SH3GL3: variants seen among roughly 807,000 people sequenced by gnomAD.
SH3GL3 encodes endophilin-A3.
Under a neutral mutation model 47.7 loss-of-function variants are expected in SH3GL3, and 33 were observed. That is an observed-to-expected ratio of 0.69 (90% CI 0.52 to 0.92). The LOEUF is 0.92. SH3GL3 is among the 40% of genes least tolerant of loss of function. The pLI is 0.00. For missense variants in SH3GL3, 363 were observed against 417.8 expected, an observed-to-expected ratio of 0.87 and a Z score of 1.14; for synonymous variants, 155 against 148.8, an observed-to-expected ratio of 1.04 and a Z score of -0.30.
chr15:83,460,339 C>T (rs1374462263), intron 1 of SH3GL3, among the ~76,000 whole-genome samples: 2 of 151,810 alleles, frequency 1.3e-5, no homozygotes, highest in African/African-American at 4.8e-5. Flanking sequence ...TTTCTAAAAG[C>T]CATGCATTCC....
chr15:83,496,906 A>G (rs2042103849), intron 1 of SH3GL3, among the ~76,000 whole-genome samples: 1 of 152,048 alleles, frequency 6.6e-6, no homozygotes, highest in African/African-American at 2.4e-5. Context: ...ATTTTCCCCA[A>G]GCTGGATATC....
At chr15:83,588,948 G>T (rs2060021390) in intron 8 of SH3GL3, among the ~76,000 whole-genome samples, 177 bp downstream of exon 8, 1 of 152,128 alleles carries the variant, frequency 6.6e-6, no homozygotes, top group Non-Finnish European at 1.5e-5. Flanking sequence ...CCCTGGGGAA[G>T]AATTCTATCA....
chr15:83,594,458 CACATTT>C (rs2060189620), intron 8 of SH3GL3, among the ~76,000 whole-genome samples: 1 of 152,118 alleles, frequency 6.6e-6, no homozygotes, highest in African/African-American at 2.4e-5. Context: ...ATTAGTATGG[CACATTT>C]ACTTTATATA....
At chr15:83,533,923 G>T (rs746585147) in intron 1 of SH3GL3, among the ~76,000 whole-genome samples, 13 of 152,106 alleles carry the variant, frequency 8.5e-5, no homozygotes, top group Non-Finnish European at 1.8e-4. Flanking sequence ...TTTTATTTCT[G>T]GTGGTACTAA....
At chr15:83,568,910 T>TC (rs2045685014) in intron 4 of SH3GL3, among the ~76,000 whole-genome samples, 2 of 151,490 alleles carry the variant, frequency 1.3e-5, no homozygotes, top group Non-Finnish European at 3.0e-5. Flanking sequence ...ATCTTTTTTT[T>TC]TTTTTTTTTT....
At chr15:83,459,813 C>A (rs1210803122) in intron 1 of SH3GL3, among the ~76,000 whole-genome samples, 1 of 152,122 alleles carries the variant, frequency 6.6e-6, no homozygotes, top group East Asian at 1.9e-4. Context: ...TCACGACATA[C>A]AATTTGCAGG....
intron 8 of SH3GL3, among the ~76,000 whole-genome samples, chr15:83,589,830 T>C (rs1268777525): frequency 2.0e-5 from 3 of 152,228 alleles, no homozygotes; most frequent in Non-Finnish European, 4.4e-5. Flanking sequence ...ATTATACCAT[T>C]TCCCTATTGG....
In SH3GL3 at chr15:83,612,063, G is replaced by GA. The variant is rs199791214; in HGVS notation, c.839-6013dup. The stretch of plus-strand genomic sequence containing the variant: ...CTTTTTTCCATTTCTTCTAATGGTG[G>GA]AAAAAAGCATAATCTTGCCATTTCA... On this transcript the variant is annotated intron_variant, in intron 8 of 8. Coordinates refer to ENST00000427482, the MANE Select transcript of SH3GL3 (RefSeq NM_003027.5). Among the ~76,000 whole-genome samples the GA allele has an allele frequency of 3.7e-3, 493 of 132,360 alleles. 23 individuals carry two copies. Among genetic ancestry groups the GA allele is most frequent in the African/African-American group, 0.012 (465 of 38,674 alleles). 86.8% of individuals were successfully genotyped at this position (132,360 alleles called of 152,430 possible).
chr15:83,486,944 C>T (rs560103344), intron 1 of SH3GL3, among the ~76,000 whole-genome samples: 4 of 151,930 alleles, frequency 2.6e-5, no homozygotes, highest in Admixed American at 1.3e-4. Flanking sequence ...ATAAGCACAC[C>T]GGCCCCATCA....
intron 8 of SH3GL3, among the ~76,000 whole-genome samples, chr15:83,591,836 A>C (rs577354861): frequency 6.6e-6 from 1 of 152,174 alleles, no homozygotes; most frequent in Non-Finnish European, 1.5e-5. Flanking sequence ...CAGGCGCCCG[A>C]TACCGTGCCT....
At chr15:83,450,516 C>G (rs2039688875) in intron 1 of SH3GL3, among the ~76,000 whole-genome samples, 1 of 151,928 alleles carries the variant, frequency 6.6e-6, no homozygotes, top group Non-Finnish European at 1.5e-5. Context: ...CCTTCCCTAT[C>G]TCTGGGAAAA....
intron 1 of SH3GL3, among the ~76,000 whole-genome samples, chr15:83,554,901 A>C (rs965343715): frequency 2.0e-5 from 3 of 151,422 alleles, no homozygotes; most frequent in Non-Finnish European, 4.4e-5. Flanking sequence ...CAAACTGTAG[A>C]CTCCTATTTT....
intron 1 of SH3GL3, among the ~76,000 whole-genome samples, chr15:83,453,546 G>T (rs1242838279): frequency 6.6e-6 from 1 of 151,420 alleles, no homozygotes; most frequent in African/African-American, 2.4e-5. Context: ...GAGAGTGTAT[G>T]TGTCGAGGAA....
downstream of SH3GL3, among the ~76,000 whole-genome samples, chr15:83,621,611 T>G (rs1420443196): frequency 6.6e-6 from 1 of 152,156 alleles, no homozygotes; most frequent in Non-Finnish European, 1.5e-5. Context: ...ATTGTAAGAA[T>G]TACCAAAGTG....
chr15:83,513,459 G>A (rs755970945), intron 1 of SH3GL3, among the ~76,000 whole-genome samples: 1 of 152,080 alleles, frequency 6.6e-6, no homozygotes, highest in Non-Finnish European at 1.5e-5. Context: ...TAGACGTGCT[G>A]GACATCTGCA....
intron 1 of SH3GL3, among the ~76,000 whole-genome samples, chr15:83,452,756 G>C (rs1461239403): frequency 1.4e-5 from 1 of 69,402 alleles, no homozygotes; most frequent in African/African-American, 5.9e-5. Flanking sequence ...TTTGCAAACA[G>C]GGACAATTTG....
chr15:83,535,039 A>G (rs1470841713), intron 1 of SH3GL3, among the ~76,000 whole-genome samples: 1 of 152,194 alleles, frequency 6.6e-6, no homozygotes, highest in Non-Finnish European at 1.5e-5. Flanking sequence ...GTTTTAATAA[A>G]ATTTGGTAAT....
intron 7 of SH3GL3, 105 bp downstream of exon 7, chr15:83,587,191 C>T: frequency 1.6e-6 from 1 of 613,930 alleles, no homozygotes; most frequent in East Asian, 3.1e-5. Context: ...TCCCCTGCCT[C>T]ATTCTGTTTT....
chr15:83,502,542 A>G (rs1305564695), intron 1 of SH3GL3, among the ~76,000 whole-genome samples: 18 of 152,208 alleles, frequency 1.2e-4, no homozygotes, highest in Non-Finnish European at 1.2e-4. Context: ...ATGGATATGA[A>G]TAAATGAATG....
Sources: gnomAD v4.1 joint callset for allele counts (sites outside exome capture counted in the v4.1 genomes callset) on GRCh38, gnomAD v4.1.1 for gene constraint, MANE v1.5 for transcripts, NCBI Gene and HGNC (gene_info 2026-07-23, HGNC 2026-07-21) for gene names.